Variants in PLXDC2 observed in about 807,000 individuals in gnomAD.
PLXDC2 encodes plexin domain containing 2, also known as plexin domain-containing protein 2.
In PLXDC2, 40 loss-of-function variants were observed where a neutral mutation model predicts 68.9. That is an observed-to-expected ratio of 0.58 (90% CI 0.45 to 0.76). The LOEUF is 0.76. PLXDC2 is among the 30% of genes least tolerant of loss of function. The pLI, the probability that PLXDC2 is intolerant of heterozygous loss-of-function variation, is 0.00. For synonymous variants in PLXDC2, 243 were observed against 234.2 expected (o/e 1.04, Z -0.34); for missense variants, 644 against 661.9 (o/e 0.97, Z 0.30).
At chr10:20,277,345 T>G (rs551664997) in intron 13 of PLXDC2, among the ~76,000 whole-genome samples, 56 of 152,130 alleles carry the variant, frequency 3.7e-4, no homozygotes, top group African/African-American at 1.3e-3. Context: ...ATATAGGAAT[T>G]CTAAAAGTTA....
intron 4 of PLXDC2, among the ~76,000 whole-genome samples, chr10:20,085,404 G>A (rs1044814437): frequency 5.3e-5 from 8 of 152,096 alleles, no homozygotes; most frequent in African/African-American, 1.4e-4. Context: ...TGGAATTTCC[G>A]TGCGGGAGGT....
intron 4 of PLXDC2, among the ~76,000 whole-genome samples, chr10:20,117,304 G>C (rs1833635418): frequency 6.6e-6 from 1 of 152,178 alleles, no homozygotes; most frequent in African/African-American, 2.4e-5. Flanking sequence ...CATGTTCATG[G>C]ATTGGGGAAT....
chr10:20,186,450 C>T (rs1290737776), intron 9 of PLXDC2, among the ~76,000 whole-genome samples: 1 of 151,854 alleles, frequency 6.6e-6, no homozygotes, highest in Non-Finnish European at 1.5e-5. Context: ...AGTACACATG[C>T]AGGCTTGTTA....
intron 1 of PLXDC2, among the ~76,000 whole-genome samples, chr10:19,998,800 A>G (rs1407808064): frequency 1.1e-5 from 1 of 92,642 alleles, no homozygotes; most frequent in Admixed American, 1.1e-4. Context: ...AAACGCTGCT[A>G]AACAGTGGGG....
chr10:20,200,451 T>C (rs1834902067), intron 9 of PLXDC2, among the ~76,000 whole-genome samples: 1 of 152,052 alleles, frequency 6.6e-6, no homozygotes, highest in Non-Finnish European at 1.5e-5. Context: ...ATATATAGCT[T>C]GAATAAATCT....
intron 4 of PLXDC2, among the ~76,000 whole-genome samples, chr10:20,120,850 G>A (rs1201652334): frequency 6.6e-6 from 1 of 152,200 alleles, no homozygotes; most frequent in Non-Finnish European, 1.5e-5. Flanking sequence ...AGGCGGGCTA[G>A]TGGCTTGTGC....
chr10:20,054,326 TC>T (rs1426565057), intron 3 of PLXDC2, among the ~76,000 whole-genome samples: 2 of 151,878 alleles, frequency 1.3e-5, no homozygotes, highest in African/African-American at 2.4e-5. Context: ...ATCTTGTCAT[TC>T]CCGGGTAAGT....
intron 4 of PLXDC2, among the ~76,000 whole-genome samples, chr10:20,115,629 A>G (rs1833611469): frequency 6.6e-6 from 1 of 152,234 alleles, no homozygotes. Context: ...AGAAATGCAC[A>G]GTGTTGAAGA....
At chr10:20,267,545 T>C (rs2119375048) in intron 13 of PLXDC2, among the ~76,000 whole-genome samples, 1 of 152,250 alleles carries the variant, frequency 6.6e-6, no homozygotes, top group Non-Finnish European at 1.5e-5. Flanking sequence ...ATTTGCTGAC[T>C]CTCCCAAGCA....
At chr10:19,923,067 A>AC (rs974390916) in intron 1 of PLXDC2, among the ~76,000 whole-genome samples, 1 of 135,904 alleles carries the variant, frequency 7.4e-6, no homozygotes, top group African/African-American at 2.6e-5. Context: ...GCTTATGTTT[A>AC]AAAAAAAAAT....
chr10:19,942,675 A>T (rs189975410), intron 1 of PLXDC2, among the ~76,000 whole-genome samples: 1 of 152,286 alleles, frequency 6.6e-6, no homozygotes, highest in Admixed American at 6.5e-5. Flanking sequence ...GAAGCAGGAG[A>T]ATCCCTTGAA....
intron 1 of PLXDC2, among the ~76,000 whole-genome samples, chr10:19,898,786 G>A (rs543612004): frequency 3.3e-5 from 5 of 152,088 alleles, no homozygotes; most frequent in South Asian, 4.2e-4. Context: ...TTTCTTATAC[G>A]CAACAGATAT....
chr10:20,153,243 G>T (rs926486165), intron 6 of PLXDC2, among the ~76,000 whole-genome samples: 16 of 152,144 alleles, frequency 1.1e-4, no homozygotes, highest in African/African-American at 3.4e-4. Context: ...AGACAGTCAA[G>T]GATATCAAAA....
chr10:20,078,323 T>C (rs951827058), intron 4 of PLXDC2, among the ~76,000 whole-genome samples: 5 of 152,088 alleles, frequency 3.3e-5, no homozygotes, highest in African/African-American at 1.2e-4. Flanking sequence ...TTCAAGGCTG[T>C]AGTTAGCTAC....
chr10:20,199,909 A>T (rs1243383884), intron 9 of PLXDC2, among the ~76,000 whole-genome samples: 2 of 151,942 alleles, frequency 1.3e-5, no homozygotes, highest in Non-Finnish European at 2.9e-5. Flanking sequence ...AAAAATATGT[A>T]TTTTTAAATT....
chr10:20,065,358 G>A, intron 3 of PLXDC2, among the ~76,000 whole-genome samples: 1 of 152,144 alleles, frequency 6.6e-6, no homozygotes, highest in Non-Finnish European at 1.5e-5. Context: ...CCATGTTGGT[G>A]TGACTCTCAG....
intron 4 of PLXDC2, chr10:20,071,021 G>T (rs1051671566): frequency 2.7e-5 from 4 of 150,646 alleles, no homozygotes; most frequent in Admixed American, 6.6e-5. Context: ...CTTCTTTGAA[G>T]AAAACACTAA....
intron 1 of PLXDC2, among the ~76,000 whole-genome samples, chr10:19,858,559 T>G (rs976928235): frequency 1.2e-4 from 19 of 152,210 alleles, no homozygotes; most frequent in African/African-American, 4.3e-4. Context: ...AACTCTCAGG[T>G]TAATAGAAAT....
chr10:19,910,919 G>A lies in PLXDC2; in HGVS notation c.113-90856G>A, dbSNP rs1427862832. On this transcript the variant is annotated intron_variant, in intron 1 of 13. Transcript: ENST00000377252. ...CAGTTACTTGGGAGGCTGAGGCAGA[G>A]AATCGCTTGAACCTGGGAGGCAAAG... Among the ~76,000 whole-genome samples the A allele has an allele frequency of 2.6e-5, 4 of 152,242 alleles. No individual in the cohort carries two copies. In the East Asian group the frequency reaches 7.7e-4, roughly 29 times the overall value.
Sources: gnomAD v4.1 joint callset for allele counts (sites outside exome capture counted in the v4.1 genomes callset) on GRCh38, gnomAD v4.1.1 for gene constraint, MANE v1.5 for transcripts, NCBI Gene and HGNC (gene_info 2026-07-23, HGNC 2026-07-21) for gene names.